Variants in NEDD4 observed in about 807,000 individuals in gnomAD.
The protein encoded by NEDD4 is NEDD4 E3 ubiquitin protein ligase.
Under a neutral mutation model 144.9 loss-of-function variants are expected in NEDD4, and 99 were observed. That is an observed-to-expected ratio of 0.68 (90% confidence interval 0.58 to 0.81). The LOEUF (loss-of-function observed/expected upper bound fraction) is 0.81, where lower values mean the gene tolerates loss of function less well. Among genes scored for constraint, NEDD4 ranks in the 30% least tolerant of loss-of-function variants. NEDD4 has a pLI of 0.00. For synonymous variants in NEDD4, 318 were observed against 350.6 expected, an observed-to-expected ratio of 0.91 and a Z score of 1.04; for missense variants, 985 against 1,065.9, an observed-to-expected ratio of 0.92 and a Z score of 1.06.
In NEDD4 at chr15:55,829,743, G is replaced by T. The variant is rs2032854123; in HGVS notation, c.*154C>A. ...ATTTAAAAGTGATTAAAAATAAGTTGTCGTACTATTTCTTCAAATGCTTTT... is the reference window on the plus strand; with the variant it reads ...ATTTAAAAGTGATTAAAAATAAGTTTTCGTACTATTTCTTCAAATGCTTTT... On this transcript the variant is annotated 3_prime_UTR_variant, in exon 29 of 29. Transcript: ENST00000435532. 7.0e-6 allele frequency: 4 copies of T among 571,504 alleles called. No homozygotes were observed. Among genetic ancestry groups the T allele is most frequent in the African/African-American group, 1.9e-5 (1 of 53,102 alleles). The allele number at this position is 571,504 out of a possible 1,614,324, so 35.4% of individuals were successfully genotyped here. A position where few individuals can be genotyped will look rare whatever the true frequency, so the allele number is the denominator to read the frequency against.
At chr15:55,866,526 T>C (rs1486860560) in intron 8 of NEDD4, among the ~76,000 whole-genome samples, 1 of 152,196 alleles carries the variant, frequency 6.6e-6, no homozygotes, top group Non-Finnish European at 1.5e-5. Flanking sequence ...TTTGGTTGAA[T>C]ATAACCATTG....
At chr15:55,946,544 A>C (rs1436404608) in intron 4 of NEDD4, among the ~76,000 whole-genome samples, 5 of 152,230 alleles carry the variant, frequency 3.3e-5, no homozygotes, top group African/African-American at 1.2e-4. Flanking sequence ...TTAGACTCCC[A>C]CACAATAATA....
chr15:55,952,459 G>T (rs570356996), intron 2 of NEDD4, among the ~76,000 whole-genome samples: 34 of 152,258 alleles, frequency 2.2e-4, no homozygotes, highest in African/African-American at 8.2e-4. Flanking sequence ...CACTTTACTT[G>T]TCCATTGTTA....
chr15:55,894,064 C>T (rs1242388895), intron 5 of NEDD4, among the ~76,000 whole-genome samples: 1 of 151,966 alleles, frequency 6.6e-6, no homozygotes, highest in Non-Finnish European at 1.5e-5. Context: ...GCTATAAAAT[C>T]ATAGTGCTTT....
intron 5 of NEDD4, among the ~76,000 whole-genome samples, chr15:55,895,835 A>G (rs993720399): frequency 1.3e-5 from 2 of 152,216 alleles, no homozygotes; most frequent in Admixed American, 1.3e-4. Context: ...TAATTGGGAT[A>G]CATTTGGTTA....
intron 1 of NEDD4, among the ~76,000 whole-genome samples, chr15:55,969,985 T>A: frequency 6.6e-6 from 1 of 151,820 alleles, no homozygotes; most frequent in South Asian, 2.1e-4. Context: ...TGGCCTTAGC[T>A]CCGAGAGGGC....
chr15:55,959,855 G>A (rs1310166872), intron 2 of NEDD4, among the ~76,000 whole-genome samples: 8 of 152,192 alleles, frequency 5.3e-5, no homozygotes, highest in Non-Finnish European at 1.0e-4. Context: ...GCAAGCCTCA[G>A]CTAAGACCAC....
intron 4 of NEDD4, among the ~76,000 whole-genome samples, chr15:55,950,475 T>C (rs1056814963): frequency 2.6e-5 from 4 of 152,160 alleles, no homozygotes; most frequent in Admixed American, 2.6e-4. Flanking sequence ...TGAAATCAAG[T>C]ATGGTACCAC....
At chr15:55,887,456 A>G (rs1363286754) in intron 5 of NEDD4, among the ~76,000 whole-genome samples, 1 of 152,170 alleles carries the variant, frequency 6.6e-6, no homozygotes, top group Admixed American at 6.5e-5. Flanking sequence ...CAAAACAGGA[A>G]CAGACCAATA....
chr15:55,928,305 C>A (rs1459124588), intron 4 of NEDD4, among the ~76,000 whole-genome samples: 6 of 152,210 alleles, frequency 3.9e-5, no homozygotes, highest in Admixed American at 3.9e-4. Flanking sequence ...AGCCATCACG[C>A]CTGGCCTATC....
intron 5 of NEDD4, among the ~76,000 whole-genome samples, chr15:55,902,802 T>A (rs12442185): frequency 0.24 from 36,151 of 151,656 alleles, 4,606 homozygotes; most frequent in Admixed American, 0.3. Context: ...AAAAACAAAG[T>A]AATTATAAAT....
At chr15:55,873,604 T>C (rs1459261136) in intron 6 of NEDD4, among the ~76,000 whole-genome samples, 1 of 152,220 alleles carries the variant, frequency 6.6e-6, no homozygotes, top group Non-Finnish European at 1.5e-5. Flanking sequence ...TGATTCTTAG[T>C]GTTTTATGTT....
intron 1 of NEDD4, among the ~76,000 whole-genome samples, chr15:55,986,919 CT>C (rs1310217288): frequency 6.6e-6 from 1 of 152,166 alleles, no homozygotes; most frequent in Non-Finnish European, 1.5e-5. Context: ...TTAAAACTGT[CT>C]AGGATAAGAA....
Position 55,869,651 on chromosome 15 carries a change from T to C in NEDD4, c.435A>G (p.Arg145=). ...SHKSRVKGYL[R]LKMTYLPKTS... The stretch of plus-strand genomic sequence containing the variant: ...TTTTAGGTAAATAAGTCATTTTTAG[T>C]CTCAGATAACCTTTAACTCTTGATT... The change falls in exon 8 of 29, where the codon AGA becomes AGG. Residue 145 remains arginine, a synonymous_variant. Transcript: ENST00000435532. The C allele has an allele frequency of 2.5e-6, 4 of 1,570,664 alleles. No individual in the cohort carries two copies. Among genetic ancestry groups the C allele is most frequent in the Non-Finnish European group, 2.6e-6 (3 of 1,155,440 alleles).
At chr15:55,963,912 T>G (rs1310881219) in intron 2 of NEDD4, among the ~76,000 whole-genome samples, 2 of 152,178 alleles carry the variant, frequency 1.3e-5, no homozygotes, top group Admixed American at 6.5e-5. Flanking sequence ...TATGGATTGA[T>G]GGTTGTTATT....
chr15:55,848,261 G>T, intron 17 of NEDD4, 111 bp downstream of exon 17: 1 of 961,996 alleles, frequency 1.0e-6, no homozygotes, highest in South Asian at 1.4e-5. Context: ...AGGAGAGAAC[G>T]GCCAATGTGC....
chr15:55,991,165 C>G (rs1358875059), intron 1 of NEDD4, among the ~76,000 whole-genome samples: 2 of 152,214 alleles, frequency 1.3e-5, no homozygotes, highest in Non-Finnish European at 2.9e-5. Context: ...AGAATCCTCT[C>G]CTTTTGTTGT....
intron 2 of NEDD4, among the ~76,000 whole-genome samples, chr15:55,965,653 GGTATGTAT>G (rs71110357): frequency 0.054 from 8,097 of 150,150 alleles, 282 homozygotes; most frequent in African/African-American, 0.11. Flanking sequence ...AATACTATTT[GGTATGTAT>G]GTATGTATGT....
intron 1 of NEDD4, among the ~76,000 whole-genome samples, chr15:55,973,957 C>A (rs1028876461): frequency 7.9e-5 from 12 of 151,356 alleles, no homozygotes; most frequent in Admixed American, 5.9e-4. Flanking sequence ...CAAATTGAAA[C>A]AGAATATAAT....
Sources: allele counts gnomAD v4.1 joint callset (sites outside exome capture counted in the v4.1 genomes callset), GRCh38; gene constraint gnomAD v4.1.1; transcripts MANE v1.5; gene names NCBI Gene and HGNC (gene_info 2026-07-23, HGNC 2026-07-21).